The following MYO1E variants were observed in gnomAD, a reference collection of about 807,000 sequenced individuals.
MYO1E encodes myosin IE.
A neutral mutation model predicts 151.1 loss-of-function variants in MYO1E; 68 were observed. The ratio of observed to expected loss-of-function variants is 0.45; its 90% CI spans 0.37 to 0.55. The LOEUF (loss-of-function observed/expected upper bound fraction) is 0.55. Ranked by LOEUF, MYO1E falls within the 20% of genes least tolerant of loss-of-function variation. The pLI is 0.00. For synonymous variants in MYO1E, 601 were observed against 501.7 expected (o/e 1.20, Z -2.64); for missense variants, 1,363 against 1,389.3 (o/e 0.98, Z 0.30).
At chr15:59,312,026 G>A (rs1200832279) in intron 1 of MYO1E, among the ~76,000 whole-genome samples, 2 of 152,188 alleles carry the variant, frequency 1.3e-5, no homozygotes, top group East Asian at 1.9e-4. Context: ...AAATTACCCA[G>A]TCTGTGGTAT....
chr15:59,241,615 A>G (rs1018668810), intron 4 of MYO1E, among the ~76,000 whole-genome samples: 3 of 152,180 alleles, frequency 2.0e-5, no homozygotes, highest in Non-Finnish European at 2.9e-5. Flanking sequence ...GAGGCAGGAG[A>G]ATCACTTGAA....
chr15:59,192,733 G>T (rs1340302093), intron 17 of MYO1E, among the ~76,000 whole-genome samples: 2 of 152,226 alleles, frequency 1.3e-5, no homozygotes, highest in Non-Finnish European at 2.9e-5. Context: ...CAATACCTCT[G>T]CTTCCAAGAC....
intron 4 of MYO1E, among the ~76,000 whole-genome samples, chr15:59,239,225 T>TATATATATA (rs1300583176): frequency 5.8e-5 from 2 of 34,658 alleles, no homozygotes; most frequent in African/African-American, 2.2e-4. Flanking sequence ...TATATATATA[T>TATATATATA]TTTTTTTATT....
intron 21 of MYO1E, among the ~76,000 whole-genome samples, chr15:59,172,354 C>T (rs1349061031): frequency 6.6e-6 from 1 of 152,052 alleles, no homozygotes; most frequent in Non-Finnish European, 1.5e-5. Flanking sequence ...AAGACTCCGT[C>T]TCAAAAAAAG....
At chr15:59,372,362 C>T (rs569547288) in intron 1 of MYO1E, 136 bp downstream of exon 1, 6 of 1,084,686 alleles carry the variant, frequency 5.5e-6, no homozygotes, top group Admixed American at 4.0e-5. Context: ...GAAATCAGAG[C>T]TCGCGACGTG....
chr15:59,205,357 A>C, intron 15 of MYO1E, 43 bp downstream of exon 15: 1 of 1,583,868 alleles, frequency 6.3e-7, no homozygotes, highest in Non-Finnish European at 8.7e-7. Context: ...TGAAAATTTC[A>C]TCAAACCTAT....
At chr15:59,147,918 G>A (rs1596341347) in intron 26 of MYO1E, among the ~76,000 whole-genome samples, 1 of 152,162 alleles carries the variant, frequency 6.6e-6, no homozygotes, top group East Asian at 1.9e-4. Context: ...GGAGTCCACA[G>A]CTCTAGGCAG....
Position 59,265,616 on chromosome 15 carries a change from T to C in MYO1E, c.148-4107A>G, listed in dbSNP as rs536965025. Among the ~76,000 whole-genome samples the C allele has an allele frequency of 2.6e-5, 4 of 152,152 alleles. No individual in the cohort carries two copies. In the South Asian group the frequency reaches 6.2e-4, roughly 24 times the overall value. On this transcript the variant is annotated intron_variant, in intron 2 of 27. Coordinates refer to ENST00000288235, the MANE Select transcript of MYO1E (RefSeq NM_004998.4). The stretch of plus-strand genomic sequence containing the variant: ...TGTACCTGCTCCCTAAATTTATCAG[T>C]AGGGTTCTTGGGGATAATACTATTT...
At chr15:59,291,926 A>C (rs571546968) in intron 1 of MYO1E, among the ~76,000 whole-genome samples, 1 of 152,206 alleles carries the variant, frequency 6.6e-6, no homozygotes, top group African/African-American at 2.4e-5. Context: ...AAATGCTCTA[A>C]AGGAAAAAAA....
At chr15:59,309,607 G>A (rs1371324718) in intron 1 of MYO1E, among the ~76,000 whole-genome samples, 1 of 152,212 alleles carries the variant, frequency 6.6e-6, no homozygotes, top group African/African-American at 2.4e-5. Context: ...ACCGCCTTGT[G>A]AGAAGTCCAC....
In MYO1E at chr15:59,372,723, G is replaced by T; in HGVS notation, c.-223C>A. 1 of 585,664 alleles carries T rather than the reference G, an allele frequency of 1.7e-6. No individual in the cohort carries two copies. The highest frequency in any genetic ancestry group is 3.0e-6 in the Non-Finnish European group (1 of 337,662). 36.3% of individuals were successfully genotyped at this position (585,664 alleles called of 1,614,324 possible). On this transcript the variant is annotated 5_prime_UTR_variant, in exon 1 of 28. Transcript: ENST00000288235. ...GAGACGGCGGCGACTTAGCAGGCGG[G>T]GCGCATGCTGCGGAGGGCAAGAGTC...
chr15:59,294,141 C>T (rs552300758), intron 1 of MYO1E, among the ~76,000 whole-genome samples: 23 of 152,300 alleles, frequency 1.5e-4, no homozygotes, highest in East Asian at 1.9e-4. Context: ...CCTGATTGTT[C>T]GGTATTCATG....
chr15:59,204,749 C>T (rs931785870), intron 15 of MYO1E, among the ~76,000 whole-genome samples: 3 of 152,094 alleles, frequency 2.0e-5, no homozygotes, highest in African/African-American at 7.2e-5. Flanking sequence ...GTTCTCAAGC[C>T]ATTTCTTCAG....
intron 1 of MYO1E, among the ~76,000 whole-genome samples, chr15:59,319,265 C>T (rs1363274132): frequency 2.6e-5 from 4 of 152,040 alleles, no homozygotes; most frequent in African/African-American, 4.8e-5. Flanking sequence ...GAGCTGAGAT[C>T]GTGCCACTGC....
At chr15:59,142,232 C>T (rs572706274) in intron 26 of MYO1E, among the ~76,000 whole-genome samples, 27 of 152,286 alleles carry the variant, frequency 1.8e-4, no homozygotes, top group East Asian at 1.2e-3. Context: ...ATGGGCACAG[C>T]GGGCCAGTTG....
chr15:59,190,953 T>C (rs547450685), intron 17 of MYO1E, among the ~76,000 whole-genome samples: 1 of 151,420 alleles, frequency 6.6e-6, no homozygotes, highest in South Asian at 2.1e-4. Flanking sequence ...AAAGCAAAGG[T>C]ACAAGAATAG....
rs140873988 is a variant in MYO1E, at chr15:59,156,431, C to T, written c.2878+1856G>A. 4.8e-3 allele frequency among the ~76,000 whole-genome samples: 736 copies of T among 152,284 alleles called. 6 individuals carry two copies. Among genetic ancestry groups the T allele is most frequent in the African/African-American group, 0.017 (710 of 41,576 alleles). On this transcript the variant is annotated intron_variant, in intron 25 of 27. Transcript: ENST00000288235. Reference sequence around the variant, plus strand: ...AACTCCTGGCCTCAAGTGATCTGCTCGTCTTGGTCTCCCAAAGTGCTGGGA... The same window carrying T: ...AACTCCTGGCCTCAAGTGATCTGCTTGTCTTGGTCTCCCAAAGTGCTGGGA...
At chr15:59,185,157 T>G (rs1047899789) in intron 18 of MYO1E, among the ~76,000 whole-genome samples, 1 of 152,174 alleles carries the variant, frequency 6.6e-6, no homozygotes, top group African/African-American at 2.4e-5. Flanking sequence ...CCCCACAAAG[T>G]TGTTTGAGCT....
chr15:59,280,911 T>A (rs2080349574), intron 1 of MYO1E, among the ~76,000 whole-genome samples: 1 of 152,284 alleles, frequency 6.6e-6, no homozygotes, highest in African/African-American at 2.4e-5. Flanking sequence ...GTGGCTTTAC[T>A]GGTGAGGCTG....
Sources: gnomAD v4.1 joint callset for allele counts (sites outside exome capture counted in the v4.1 genomes callset) on GRCh38, gnomAD v4.1.1 for gene constraint, MANE v1.5 for transcripts, NCBI Gene and HGNC (gene_info 2026-07-23, HGNC 2026-07-21) for gene names.